The following CACNA2D3 variants were observed in gnomAD, a reference collection of about 807,000 sequenced individuals.
CACNA2D3 encodes the protein calcium voltage-gated channel auxiliary subunit alpha2delta 3.
Under a neutral mutation model 160.6 loss-of-function variants are expected in CACNA2D3, and 60 were observed. That is an observed-to-expected ratio of 0.37 (90% confidence interval 0.30 to 0.46). CACNA2D3 has a LOEUF of 0.46. Among genes scored for constraint, CACNA2D3 ranks in the 20% least tolerant of loss-of-function variants. The pLI is 1.00. For missense variants in CACNA2D3, 1,205 were observed against 1,365.0 expected (o/e 0.88, Z 1.85); for synonymous variants, 558 against 492.9 (o/e 1.13, Z -1.75).
chr3:54,276,895 C>T (rs190840780), intron 2 of CACNA2D3, among the ~76,000 whole-genome samples: 9 of 152,372 alleles, frequency 5.9e-5, no homozygotes, highest in Admixed American at 1.3e-4. Flanking sequence ...TGACCAATGA[C>T]GGATGACTGA....
At chr3:54,982,718 T>C (rs1306789120) in intron 29 of CACNA2D3, among the ~76,000 whole-genome samples, 1 of 151,990 alleles carries the variant, frequency 6.6e-6, no homozygotes, top group Non-Finnish European at 1.5e-5. Context: ...TTATGTTTTT[T>C]TTTTTTTTAA....
At chr3:54,247,329 C>G (rs181794984) in intron 2 of CACNA2D3, among the ~76,000 whole-genome samples, 1 of 151,756 alleles carries the variant, frequency 6.6e-6, no homozygotes, top group Non-Finnish European at 1.5e-5. Context: ...AACAAACAAA[C>G]AAATAAATAA....
intron 2 of CACNA2D3, among the ~76,000 whole-genome samples, chr3:54,141,060 C>CT (rs1308149739): frequency 2.4e-5 from 1 of 41,284 alleles, no homozygotes; most frequent in Non-Finnish European, 4.5e-5. Flanking sequence ...GCAGGTGAAA[C>CT]CTGTGTGTGT....
At chr3:54,208,021 T>C (rs555945429) in intron 2 of CACNA2D3, among the ~76,000 whole-genome samples, 17 of 152,310 alleles carry the variant, frequency 1.1e-4, no homozygotes, top group African/African-American at 4.1e-4. Context: ...GTCGATTTGA[T>C]TTTGTGATAC....
intron 17 of CACNA2D3, among the ~76,000 whole-genome samples, chr3:54,863,564 G>A (rs77819038): frequency 0.034 from 5,105 of 152,132 alleles, 130 homozygotes; most frequent in Non-Finnish European, 0.047. Context: ...ATCCAGCCTC[G>A]GTGTGGTAAG....
intron 2 of CACNA2D3, among the ~76,000 whole-genome samples, chr3:54,173,559 A>G (rs1700613483): frequency 6.6e-6 from 1 of 152,234 alleles, no homozygotes; most frequent in Non-Finnish European, 1.5e-5. Context: ...CCAAAGGCAG[A>G]AGCAAGTTGT....
chr3:54,384,100 T>G (rs1024186297), intron 3 of CACNA2D3, among the ~76,000 whole-genome samples: 2 of 152,168 alleles, frequency 1.3e-5, no homozygotes, highest in Admixed American at 6.5e-5. Flanking sequence ...CTACATGACT[T>G]TATTATTATT....
At chr3:54,299,451 T>G (rs1208570676) in intron 2 of CACNA2D3, among the ~76,000 whole-genome samples, 3 of 152,226 alleles carry the variant, frequency 2.0e-5, no homozygotes, top group Non-Finnish European at 4.4e-5. Context: ...ATTTTCACTT[T>G]CGGTGTTTGG....
chr3:54,446,887 C>T (rs993128709), intron 4 of CACNA2D3, among the ~76,000 whole-genome samples: 2 of 152,166 alleles, frequency 1.3e-5, no homozygotes, highest in Non-Finnish European at 2.9e-5. Context: ...TATGGGGCAC[C>T]AAGTGAGTGT....
At position 54,806,515 on chromosome 3, in the gene CACNA2D3, C is replaced by A. The variant is rs556393296; in HGVS notation, c.1381-10338C>A. 6.0e-3 allele frequency among the ~76,000 whole-genome samples: 904 copies of A among 151,710 alleles called. 8 individuals are homozygous for A. Among genetic ancestry groups the A allele is most frequent in the Non-Finnish European group, 0.01 (697 of 67,718 alleles). Reference sequence around the variant, plus strand: ...TTACAAGGGATGTGAAGGACCTCTTCAAGGAGAACTACAAACCACTGCTCA... The same window carrying A: ...TTACAAGGGATGTGAAGGACCTCTTAAAGGAGAACTACAAACCACTGCTCA... On this transcript the variant is annotated intron_variant, in intron 13 of 37. Transcript: ENST00000474759.
chr3:54,675,448 C>CT (rs1700227886), intron 11 of CACNA2D3, among the ~76,000 whole-genome samples: 1 of 152,100 alleles, frequency 6.6e-6, no homozygotes, highest in African/African-American at 2.4e-5. Context: ...AGGGCCTGAC[C>CT]TTTTCTGTTG....
chr3:55,023,712 C>T (rs761694406), intron 35 of CACNA2D3, among the ~76,000 whole-genome samples: 82 of 151,920 alleles, frequency 5.4e-4, no homozygotes, highest in Non-Finnish European at 1.0e-3. Flanking sequence ...ATCATGTATC[C>T]TATTAGTAAC....
At chr3:54,780,410 A>G (rs1431302932) in intron 13 of CACNA2D3, among the ~76,000 whole-genome samples, 4 of 152,226 alleles carry the variant, frequency 2.6e-5, no homozygotes, top group Admixed American at 1.3e-4. Context: ...TGCTTAAGGC[A>G]TATTGTTTAT....
intron 27 of CACNA2D3, chr3:54,901,326 A>G (rs1423236553): frequency 6.6e-6 from 1 of 152,166 alleles, no homozygotes; most frequent in Non-Finnish European, 1.5e-5. Flanking sequence ...ATCATGAAGG[A>G]TGAGCCCTAA....
At chr3:54,589,119 G>T (rs1456093745) in intron 9 of CACNA2D3, among the ~76,000 whole-genome samples, 1 of 151,928 alleles carries the variant, frequency 6.6e-6, no homozygotes, top group Non-Finnish European at 1.5e-5. Context: ...CAATGTTAAG[G>T]CCTATTATAT....
At chr3:54,851,180 A>C (rs769950486) in intron 17 of CACNA2D3, among the ~76,000 whole-genome samples, 1 of 152,216 alleles carries the variant, frequency 6.6e-6, no homozygotes, top group African/African-American at 2.4e-5. Flanking sequence ...AGTGTTTCAC[A>C]TGTGTTAATG....
At chr3:54,695,449 A>G (rs1700647307) in intron 11 of CACNA2D3, among the ~76,000 whole-genome samples, 2 of 151,424 alleles carry the variant, frequency 1.3e-5, no homozygotes, top group Non-Finnish European at 2.9e-5. Context: ...TCTAGGATGC[A>G]TACATACAAA....
chr3:54,714,752 A>G (rs1575436797), intron 11 of CACNA2D3, among the ~76,000 whole-genome samples: 1 of 152,364 alleles, frequency 6.6e-6, no homozygotes, highest in Non-Finnish European at 1.5e-5. Flanking sequence ...AATGAAATCG[A>G]TAGCAAAGAG....
intron 20 of CACNA2D3, among the ~76,000 whole-genome samples, chr3:54,879,994 G>T (rs1019359001): frequency 6.6e-6 from 1 of 152,162 alleles, no homozygotes; most frequent in Non-Finnish European, 1.5e-5. Flanking sequence ...AATTCATTTT[G>T]TAAAAAATTA....
Sources: gnomAD v4.1 joint callset for allele counts (sites outside exome capture counted in the v4.1 genomes callset) on GRCh38, gnomAD v4.1.1 for gene constraint, MANE v1.5 for transcripts, NCBI Gene and HGNC (gene_info 2026-07-23, HGNC 2026-07-21) for gene names.